TDRD5: variants seen among roughly 807,000 people sequenced by gnomAD.
TDRD5 encodes tudor domain containing 5.
A neutral mutation model predicts 120.6 loss-of-function variants in TDRD5; 41 were observed. That is an observed-to-expected ratio of 0.34 (90% CI 0.26 to 0.44). The LOEUF (loss-of-function observed/expected upper bound fraction) is 0.44. Among genes scored for constraint, TDRD5 ranks in the 20% least tolerant of loss-of-function variants. TDRD5 has a pLI of 1.00. For missense variants in TDRD5, 1,006 were observed against 1,221.2 expected (o/e 0.82, Z 2.63); for synonymous variants, 430 against 433.7 (o/e 0.99, Z 0.11).
chr1:179,663,673 T>G (rs1679426511), intron 16 of TDRD5, among the ~76,000 whole-genome samples, 182 bp downstream of exon 16: 1 of 152,148 alleles, frequency 6.6e-6, no homozygotes, highest in Admixed American at 6.5e-5. Flanking sequence ...ATGAGTGGAT[T>G]TGCACCCCAG....
At chr1:179,610,512 A>G (rs979320797) in intron 4 of TDRD5, among the ~76,000 whole-genome samples, 1 of 152,208 alleles carries the variant, frequency 6.6e-6, no homozygotes, top group Admixed American at 6.5e-5. Context: ...AAGTATCAAT[A>G]TATGTTTCAA....
At chr1:179,644,978 T>C (rs1437338770) in intron 11 of TDRD5, among the ~76,000 whole-genome samples, 1 of 140,458 alleles carries the variant, frequency 7.1e-6, no homozygotes, top group Non-Finnish European at 1.6e-5. Context: ...TGTAGTAGTT[T>C]TATTATTGTT....
chr1:179,690,628 A>G, intron 17 of TDRD5, 68 bp from the exon 18 acceptor site: 4 of 1,556,736 alleles, frequency 2.6e-6, no homozygotes, highest in Non-Finnish European at 3.5e-6. Flanking sequence ...TAGAACTAGA[A>G]TGGGGGAGAG....
chr1:179,592,643 T>A lies in TDRD5; in HGVS notation c.28T>A (p.Cys10Ser), dbSNP rs1199109569. 1 of 1,613,956 alleles carries A rather than the reference T, an allele frequency of 6.2e-7. No homozygotes were observed. Among genetic ancestry groups the A allele is most frequent in the Non-Finnish European group, 8.5e-7 (1 of 1,180,020 alleles). The part of the protein sequence containing the change: MSEQERIQE[C>S]LRKEIRSLLI... ...GTCTGAACAAGAGCGTATACAGGAA[T>A]GTCTGCGGAAGGAAATAAGGTCACT... Residue 10 changes from cysteine (C) to serine (S), a missense_variant, in exon 2 of 18, where the codon TGT becomes AGT. By Grantham distance (112) the Cys-to-Ser change is moderately radical. This residue lies in a region of TDRD5 where 445 missense variants were observed against 515.5 expected (regional missense o/e 0.86). Coordinates refer to ENST00000444136, the MANE Select transcript of TDRD5 (RefSeq NM_001199085.3).
chr1:179,603,426 G>A (rs774932579), intron 4 of TDRD5, among the ~76,000 whole-genome samples: 10 of 152,126 alleles, frequency 6.6e-5, no homozygotes, highest in Admixed American at 2.6e-4. Flanking sequence ...GAAGAGGAGT[G>A]GTGAGAGTGG....
At chr1:179,632,785 C>T (rs1383936312) in intron 7 of TDRD5, among the ~76,000 whole-genome samples, 2 of 152,102 alleles carry the variant, frequency 1.3e-5, no homozygotes, top group African/African-American at 2.4e-5. Flanking sequence ...AAATTTTCCT[C>T]AACTTATGAT....
chr1:179,688,553 G>A (rs991434765), intron 17 of TDRD5, among the ~76,000 whole-genome samples: 8 of 152,170 alleles, frequency 5.3e-5, no homozygotes, highest in Non-Finnish European at 1.0e-4. Flanking sequence ...GAGTATCTTT[G>A]TGGTGTTCTC....
At chr1:179,648,898 T>C (rs1039895975) in intron 11 of TDRD5, among the ~76,000 whole-genome samples, 7 of 152,200 alleles carry the variant, frequency 4.6e-5, no homozygotes, top group Non-Finnish European at 1.0e-4. Flanking sequence ...CCTTAGGATT[T>C]TATTTAATGA....
At chr1:179,656,365 T>G (rs934401074) in intron 14 of TDRD5, among the ~76,000 whole-genome samples, 1 of 152,214 alleles carries the variant, frequency 6.6e-6, no homozygotes, top group Non-Finnish European at 1.5e-5. Context: ...TCAAAAATAT[T>G]TTCTCACTTG....
intron 5 of TDRD5, among the ~76,000 whole-genome samples, chr1:179,619,270 G>A (rs1339622088): frequency 6.6e-6 from 1 of 152,048 alleles, no homozygotes; most frequent in East Asian, 1.9e-4. Flanking sequence ...TTTATCTTTT[G>A]ATTTTTACAT....
intron 16 of TDRD5, among the ~76,000 whole-genome samples, chr1:179,667,591 T>C (rs1679624001): frequency 6.6e-6 from 1 of 152,144 alleles, no homozygotes; most frequent in Non-Finnish European, 1.5e-5. Flanking sequence ...GATTTACTTA[T>C]TATTGCAGCT....
chr1:179,635,020 G>C (rs1166650359), intron 8 of TDRD5, among the ~76,000 whole-genome samples: 1 of 151,698 alleles, frequency 6.6e-6, no homozygotes, highest in Non-Finnish European at 1.5e-5. Flanking sequence ...TTCTTTTCTT[G>C]CATCTCCACA....
chr1:179,607,506 G>GT (rs967907446), intron 4 of TDRD5, among the ~76,000 whole-genome samples: 9 of 151,484 alleles, frequency 5.9e-5, no homozygotes, highest in Middle Eastern at 3.4e-3. Context: ...CTGGTTAAGT[G>GT]TTTTTTTTAG....
At chr1:179,640,938 G>A (rs1467250949) in intron 11 of TDRD5, among the ~76,000 whole-genome samples, 6 of 152,130 alleles carry the variant, frequency 3.9e-5, no homozygotes, top group African/African-American at 1.4e-4. Flanking sequence ...TTAGAGGCTG[G>A]GGAGCAATTA....
At chr1:179,626,354 C>G (rs1677133580) in intron 6 of TDRD5, among the ~76,000 whole-genome samples, 1 of 152,014 alleles carries the variant, frequency 6.6e-6, no homozygotes, top group Admixed American at 6.6e-5. Context: ...AATACAATAG[C>G]CAAAGATAAT....
intron 7 of TDRD5, among the ~76,000 whole-genome samples, chr1:179,631,700 T>C (rs1423954959): frequency 6.6e-6 from 1 of 152,184 alleles, no homozygotes; most frequent in African/African-American, 2.4e-5. Context: ...TTTACCATGA[T>C]ACATTTATCA....
At position 179,674,561 on chromosome 1, in the gene TDRD5, A is replaced by T. The variant is rs374426558; in HGVS notation, c.2860+5157A>T. On this transcript the variant is annotated intron_variant, in intron 17 of 17. Transcript: ENST00000444136. ...TATTAGGGTGATACTGGCTTCACAG[A>T]ATGATTTAGAGAGGATTTCCTCTTT... is the stretch of plus-strand genomic sequence containing the variant. Among the ~76,000 whole-genome samples the T allele has an allele frequency of 7.9e-5, 12 of 152,244 alleles. No individual in the cohort carries two copies. The East Asian group carries it at 2.1e-3, about 27-fold the overall frequency.
intron 4 of TDRD5, among the ~76,000 whole-genome samples, chr1:179,602,194 T>G (rs1675752579): frequency 6.6e-6 from 1 of 152,246 alleles, no homozygotes; most frequent in South Asian, 2.1e-4. Context: ...AAGTGTTCCC[T>G]GTTAACCGCA....
At chr1:179,658,899 A>T (rs139104991) in intron 14 of TDRD5, among the ~76,000 whole-genome samples, 1 of 152,304 alleles carries the variant, frequency 6.6e-6, no homozygotes, top group African/African-American at 2.4e-5. Context: ...CATTGATGCT[A>T]TGAGTCTCTA....
Sources: gnomAD v4.1 joint callset for allele counts (sites outside exome capture counted in the v4.1 genomes callset) on GRCh38, gnomAD v4.1.1 for gene constraint, gnomAD v4.1.1 regional missense constraint, MANE v1.5 for transcripts, NCBI Gene and HGNC (gene_info 2026-07-23, HGNC 2026-07-21) for gene names.